ANO2: variants seen among roughly 807,000 people sequenced by gnomAD.
ANO2 encodes anoctamin-2.
In ANO2, 101 loss-of-function variants were observed where a neutral mutation model predicts 124.2. That is an observed-to-expected ratio of 0.81 (90% CI 0.69 to 0.96). The LOEUF is 0.96. Ranked by LOEUF, ANO2 falls within the 40% of genes least tolerant of loss-of-function variation. The pLI is 0.00. For synonymous variants in ANO2, 486 were observed against 482.5 expected (o/e 1.01, Z -0.09); for missense variants, 1,293 against 1,274.5 (o/e 1.01, Z -0.22).
chr12:5,606,273 T>G (rs1478651256), intron 19 of ANO2, among the ~76,000 whole-genome samples: 1 of 152,180 alleles, frequency 6.6e-6, no homozygotes, highest in Admixed American at 6.5e-5. Flanking sequence ...TGCATCTCAT[T>G]AGAGGCCCTT....
intron 7 of ANO2, among the ~76,000 whole-genome samples, chr12:5,817,210 G>A (rs993684732): frequency 6.6e-5 from 10 of 152,226 alleles, no homozygotes; most frequent in Non-Finnish European, 1.2e-4. Flanking sequence ...GCTAACAGCC[G>A]CTTATTTCAT....
At chr12:5,845,829 C>A (rs1954669162) in intron 4 of ANO2, among the ~76,000 whole-genome samples, 1 of 152,152 alleles carries the variant, frequency 6.6e-6, no homozygotes, top group Non-Finnish European at 1.5e-5. Context: ...TAAAATGAAG[C>A]TAACGGTCAT....
At chr12:5,778,932 A>G (rs2137130908) in intron 10 of ANO2, among the ~76,000 whole-genome samples, 1 of 152,274 alleles carries the variant, frequency 6.6e-6, no homozygotes, top group Middle Eastern at 3.4e-3. Flanking sequence ...ATCTTGTCTG[A>G]TTTATTTTTT....
chr12:5,643,467 A>G (rs917666704), intron 15 of ANO2, among the ~76,000 whole-genome samples: 15 of 151,984 alleles, frequency 9.9e-5, no homozygotes, highest in African/African-American at 3.4e-4. Context: ...AGGCATTTGG[A>G]CTGTTTCCAG....
At chr12:5,651,097 A>G (rs1297425894) in intron 14 of ANO2, among the ~76,000 whole-genome samples, 1 of 152,248 alleles carries the variant, frequency 6.6e-6, no homozygotes, top group Middle Eastern at 3.2e-3. Flanking sequence ...AACCAGCTTC[A>G]TGATTATATC....
intron 16 of ANO2, among the ~76,000 whole-genome samples, chr12:5,622,781 T>C (rs1316478127): frequency 6.6e-6 from 1 of 151,878 alleles, no homozygotes; most frequent in Non-Finnish European, 1.5e-5. Context: ...CTGGCAAACA[T>C]GGCAAAACTC....
chr12:5,788,073 C>T (rs758682250), intron 10 of ANO2, among the ~76,000 whole-genome samples: 27 of 152,248 alleles, frequency 1.8e-4, no homozygotes, highest in Admixed American at 1.1e-3. Context: ...CAGCAGGTAC[C>T]GCAAGAAGTA....
intron 3 of ANO2, among the ~76,000 whole-genome samples, chr12:5,889,305 C>A (rs1271772657): frequency 6.6e-6 from 1 of 152,248 alleles, no homozygotes; most frequent in Non-Finnish European, 1.5e-5. Context: ...CACAGTGCAG[C>A]AGCAGGCTGA....
intron 19 of ANO2, among the ~76,000 whole-genome samples, chr12:5,603,609 G>A (rs1004111144): frequency 2.0e-5 from 3 of 152,156 alleles, no homozygotes; most frequent in Middle Eastern, 3.2e-3. Flanking sequence ...TCATAGAAAG[G>A]ACTGAAGGGA....
At chr12:5,677,682 G>T (rs138842539) in intron 14 of ANO2, among the ~76,000 whole-genome samples, 1 of 152,190 alleles carries the variant, frequency 6.6e-6, no homozygotes, top group Non-Finnish European at 1.5e-5. Context: ...AGCATTGGGA[G>T]AGAGGAAGGC....
At chr12:5,583,078 C>T (rs1428194439) in intron 20 of ANO2, among the ~76,000 whole-genome samples, 2 of 152,188 alleles carry the variant, frequency 1.3e-5, no homozygotes, top group Non-Finnish European at 2.9e-5. Flanking sequence ...TTTTGTGGTG[C>T]CTATCACATA....
chr12:5,765,359 G>A (rs1951860160), intron 10 of ANO2, among the ~76,000 whole-genome samples: 1 of 151,966 alleles, frequency 6.6e-6, no homozygotes, highest in Non-Finnish European at 1.5e-5. Context: ...TGAGACCAGC[G>A]TTGCCACATC....
intron 3 of ANO2, among the ~76,000 whole-genome samples, chr12:5,918,107 T>A (rs990020645): frequency 3.4e-5 from 5 of 147,454 alleles, no homozygotes; most frequent in African/African-American, 1.2e-4. Context: ...GGTAAGTTCC[T>A]GGAGCGAGAA....
chr12:5,642,195 T>C (rs533801589), intron 15 of ANO2, among the ~76,000 whole-genome samples: 9 of 152,218 alleles, frequency 5.9e-5, no homozygotes, highest in Admixed American at 3.3e-4. Flanking sequence ...CTCCTCCTCA[T>C]GCTCCCAAAC....
chr12:5,867,421 A>C (rs1332215075), intron 3 of ANO2, among the ~76,000 whole-genome samples: 1 of 152,200 alleles, frequency 6.6e-6, no homozygotes, highest in Admixed American at 6.5e-5. Flanking sequence ...ACTCATATTT[A>C]ATGGATGAAG....
chr12:5,568,308 A>AT (rs1220210133), intron 23 of ANO2, among the ~76,000 whole-genome samples: 1 of 151,670 alleles, frequency 6.6e-6, no homozygotes, highest in Non-Finnish European at 1.5e-5. Flanking sequence ...CACCCGGCTA[A>AT]TTTTTTGTAT....
intron 19 of ANO2, among the ~76,000 whole-genome samples, chr12:5,603,738 G>A (rs1944057555): frequency 6.6e-6 from 1 of 151,958 alleles, no homozygotes; most frequent in South Asian, 2.1e-4. Context: ...GAGGTCAGGA[G>A]ATCAAGACCA....
intron 14 of ANO2, among the ~76,000 whole-genome samples, chr12:5,716,435 G>T: frequency 6.6e-6 from 1 of 152,116 alleles, no homozygotes; most frequent in South Asian, 2.1e-4. Context: ...TGCTGGGTTG[G>T]TCACTTCCCT....
chr12:5,851,955 A>C (rs547763294), intron 4 of ANO2: 2 of 741,730 alleles, frequency 2.7e-6, no homozygotes, highest in East Asian at 4.9e-5. Flanking sequence ...AGTTTTGCTC[A>C]CCTCCTTTCC....
Sources: allele counts gnomAD v4.1 joint callset (sites outside exome capture counted in the v4.1 genomes callset), GRCh38; gene constraint gnomAD v4.1.1; transcripts MANE v1.5; gene names NCBI Gene and HGNC (gene_info 2026-07-23, HGNC 2026-07-21).